Variants in PCDHGA7 observed in about 807,000 individuals in gnomAD.
The protein encoded by PCDHGA7 is protocadherin gamma-A7.
Under a neutral mutation model 58.3 loss-of-function variants are expected in PCDHGA7, and 44 were observed. The observed-to-expected ratio is 0.75, with a 90% CI of 0.59 to 0.97. The LOEUF is 0.97. Ranked by LOEUF, PCDHGA7 falls within the 50% of genes least tolerant of loss-of-function variation. The probability of loss-of-function intolerance (pLI) is 0.00; values close to 1 mark genes in which losing one functional copy is unlikely to be tolerated. For synonymous variants in PCDHGA7, 516 were observed against 504.2 expected, an observed-to-expected ratio of 1.02 and a Z score of -0.31; for missense variants, 1,266 against 1,188.7, an observed-to-expected ratio of 1.06 and a Z score of -0.96.
intron 1 of PCDHGA7, among the ~76,000 whole-genome samples, chr5:141,456,940 G>A (rs1284610928): frequency 6.6e-6 from 1 of 152,138 alleles, no homozygotes; most frequent in Non-Finnish European, 1.5e-5. Context: ...TCCAGCCTGG[G>A]CAACAGAGCA....
At position 141,427,298 on chromosome 5, in the gene PCDHGA7, G is replaced by A. The variant is rs960474831; in HGVS notation, c.2424+41975G>A. The A allele has an allele frequency of 8.8e-6, 4 of 456,870 alleles. No individual in the cohort carries two copies. The Admixed American group carries it at 9.4e-5, about 11-fold the overall frequency. 28.3% of individuals were successfully genotyped at this position (456,870 alleles called of 1,614,324 possible). A position where few individuals can be genotyped will look rare whatever the true frequency, so the allele number is the denominator to read the frequency against. On this transcript the variant is annotated intron_variant, in intron 1 of 3. Coordinates refer to ENST00000518325, the MANE Select transcript of PCDHGA7 (RefSeq NM_018920.4). ...AAATTATACTAGAAATCCTAGATGA[G>A]AATGACAATGCCCCAGACGTGGTTT...
intron 1 of PCDHGA7, chr5:141,404,648 G>A (rs1178706213): frequency 6.2e-7 from 1 of 1,614,030 alleles, no homozygotes; most frequent in Non-Finnish European, 8.5e-7. Context: ...CCTGTACCCT[G>A]CCCTCCCCAC....
chr5:141,436,080 T>C (rs755968267), intron 1 of PCDHGA7, among the ~76,000 whole-genome samples: 1 of 152,204 alleles, frequency 6.6e-6, no homozygotes, highest in Admixed American at 6.5e-5. Context: ...CAGTGTTCTA[T>C]AGGTAATATT....
chr5:141,438,998 C>A (rs932958148), intron 1 of PCDHGA7, among the ~76,000 whole-genome samples: 7 of 151,836 alleles, frequency 4.6e-5, no homozygotes, highest in Non-Finnish European at 1.0e-4. Flanking sequence ...GGCTAAGGAC[C>A]TGGTTTGTTT....
rs1025148587 is a variant in PCDHGA7, at chr5:141,431,434, C to T, written c.2424+46111C>T. ...GGGGCGACCCGGTGCGCACAGGCAC[C>T]GCGCGCATCCGCGTGATGGTTCTGG... On this transcript the variant is annotated intron_variant, in intron 1 of 3. Transcript: ENST00000518325. This position sits in a 1 kb window ranked among gnomAD's most constrained non-coding sequence, Gnocchi z 4.8. The T allele has an allele frequency of 6.2e-7, 1 of 1,613,690 alleles. No homozygotes were observed. The highest frequency in any genetic ancestry group is 1.3e-5 in the African/African-American group (1 of 75,072).
At chr5:141,420,747 A>T (rs2096522944) in intron 1 of PCDHGA7, among the ~76,000 whole-genome samples, 1 of 152,220 alleles carries the variant, frequency 6.6e-6, no homozygotes, top group South Asian at 2.1e-4. Flanking sequence ...ATTGGAACCA[A>T]CTACAACCTA....
At position 141,485,062 on chromosome 5, in the gene PCDHGA7, C is replaced by A; in HGVS notation, c.2425-9745C>A. 1 of 876,340 alleles carries A rather than the reference C, an allele frequency of 1.1e-6. No individual in the cohort carries two copies. Among genetic ancestry groups the A allele is most frequent in the African/African-American group, 1.7e-5 (1 of 59,510 alleles). The allele number at this position is 876,340 out of a possible 1,614,324, so 54.3% of individuals were successfully genotyped here. On this transcript the variant is annotated intron_variant, in intron 1 of 3. Coordinates refer to ENST00000518325, the MANE Select transcript of PCDHGA7 (RefSeq NM_018920.4). This position sits in a 1 kb window ranked among gnomAD's most constrained non-coding sequence, Gnocchi z 5.7. ...CCTTGCGGCGCCGGCCGAACCGCGC[C>A]AGAGCTGGCGCGGGGAAAGGGAGAT...
At chr5:141,389,567 G>A in intron 1 of PCDHGA7, 1 of 1,613,250 alleles carries the variant, frequency 6.2e-7, no homozygotes, top group South Asian at 1.1e-5. Flanking sequence ...CACGGGTGCT[G>A]TACCCCGCGC....
At position 141,487,741 on chromosome 5, in the gene PCDHGA7, A is replaced by C. The variant is rs773413559; in HGVS notation, c.2425-7066A>C. 1.6e-4 allele frequency: 247 copies of C among 1,561,638 alleles called. 1 individual carries two copies. The highest frequency in any genetic ancestry group is 2.1e-4 in the Non-Finnish European group (244 of 1,151,698). On this transcript the variant is annotated intron_variant, in intron 1 of 3. Coordinates refer to ENST00000518325, the MANE Select transcript of PCDHGA7 (RefSeq NM_018920.4). This position sits in a 1 kb window ranked among gnomAD's most constrained non-coding sequence, Gnocchi z 5.0. ...ATAGTGATGTCACCATTTTTGTAAG[A>C]GGTAACTATGTGGTAGACGCTGTGC... is the stretch of plus-strand genomic sequence containing the variant.
intron 1 of PCDHGA7, chr5:141,441,810 C>T (rs2098275091): frequency 6.4e-5 from 24 of 372,574 alleles, no homozygotes; most frequent in Middle Eastern, 7.2e-4. Flanking sequence ...GGTGCTGTAC[C>T]CCAGCTCTGG....
At chr5:141,401,802 A>C (rs1030250595) in intron 1 of PCDHGA7, among the ~76,000 whole-genome samples, 162 of 152,148 alleles carry the variant, frequency 1.1e-3, no homozygotes, top group African/African-American at 3.7e-3. Context: ...TGATTCAGTA[A>C]ATGGGTTCCT....
intron 1 of PCDHGA7, chr5:141,433,069 C>T (rs561950316): frequency 2.5e-6 from 4 of 1,614,080 alleles, no homozygotes; most frequent in African/African-American, 1.3e-5. Context: ...ACCTGATCTT[C>T]CCCCAGCCCA....
chr5:141,422,349 T>G, intron 1 of PCDHGA7: 1 of 1,554,722 alleles, frequency 6.4e-7, no homozygotes, highest in South Asian at 1.3e-5. Flanking sequence ...ATGTGCAAGA[T>G]CAAGATTCTG....
chr5:141,480,719 A>G (rs1455113968), intron 1 of PCDHGA7, among the ~76,000 whole-genome samples: 1 of 152,194 alleles, frequency 6.6e-6, no homozygotes, highest in Non-Finnish European at 1.5e-5. Flanking sequence ...ATGAAAGCAC[A>G]GTCTCTGGGG....
At chr5:141,482,345 T>G (rs192115752) in intron 1 of PCDHGA7, among the ~76,000 whole-genome samples, 8 of 152,122 alleles carry the variant, frequency 5.3e-5, no homozygotes, top group Admixed American at 5.2e-4. Context: ...CTTTGCAAAC[T>G]TGTTGTGAGA....
chr5:141,415,197 A>G, intron 1 of PCDHGA7: 1 of 1,614,016 alleles, frequency 6.2e-7, no homozygotes, highest in African/African-American at 1.3e-5. Context: ...GCATCCCCCA[A>G]GTCCTGGCGG....
At position 141,417,952 on chromosome 5, in the gene PCDHGA7, G is replaced by C. The variant is rs766243694; in HGVS notation, c.2424+32629G>C. 10 of 1,613,510 alleles carry C rather than the reference G, an allele frequency of 6.2e-6. No individual in the cohort carries two copies. In the African/African-American group the frequency reaches 1.3e-4, roughly 22 times the overall value. On this transcript the variant is annotated intron_variant, in intron 1 of 3. Coordinates refer to ENST00000518325, the MANE Select transcript of PCDHGA7 (RefSeq NM_018920.4). ...CTTTGTTCTACCCCACGCTGTGTGA[G>C]CCGATCCGCTACTCGATTCCGGAGG...
rs776707376 is a variant in PCDHGA7 at position 141,384,245 on chromosome 5, C to T, written c.1346C>T (p.Pro449Leu). 6 of 1,613,890 alleles carry T rather than the reference C, an allele frequency of 3.7e-6. No homozygotes were observed. The highest frequency in any genetic ancestry group is 5.1e-6 in the Non-Finnish European group (6 of 1,179,896). Residue 449 changes from proline (P) to leucine (L), a missense_variant, in exon 1 of 4, where the codon CCA becomes CTA. Pro to Leu is a moderately conservative substitution (Grantham distance 98, BLOSUM62 -3). Coordinates refer to ENST00000518325, the MANE Select transcript of PCDHGA7 (RefSeq NM_018920.4). ...FMQVADTNDN[P>L]PTFPHSSYSV... The stretch of plus-strand genomic sequence containing the variant: ...CAGGTGGCAGACACCAACGATAACC[C>T]ACCCACCTTCCCCCACTCATCCTAC...
intron 1 of PCDHGA7, chr5:141,430,760 A>C: frequency 1.3e-6 from 2 of 1,505,596 alleles, no homozygotes; most frequent in Non-Finnish European, 8.9e-7. Context: ...GAAGATAAGA[A>C]TGATTCCTGC....
Sources: allele counts gnomAD v4.1 joint callset (sites outside exome capture counted in the v4.1 genomes callset), GRCh38; gene constraint gnomAD v4.1.1; non-coding constraint Gnocchi (gnomAD v3.1); transcripts MANE v1.5; gene names NCBI Gene and HGNC (gene_info 2026-07-23, HGNC 2026-07-21).